The following LRMDA variants were observed in gnomAD, a reference collection of about 807,000 sequenced individuals.
LRMDA encodes leucine-rich melanocyte differentiation-associated protein.
LRMDA carries 18 observed loss-of-function variants against 29.8 expected under a neutral mutation model. That is an observed-to-expected ratio of 0.60 (90% CI 0.42 to 0.90). LRMDA has a LOEUF of 0.90. LRMDA is among the 40% of genes least tolerant of loss of function. LRMDA has a pLI of 0.00. For missense variants in LRMDA, 273 were observed against 273.9 expected (o/e 1.00, Z 0.02); for synonymous variants, 125 against 109.4 (o/e 1.14, Z -0.89).
At chr10:76,312,344 A>G (rs916365954) in intron 5 of LRMDA, among the ~76,000 whole-genome samples, 11 of 152,146 alleles carry the variant, frequency 7.2e-5, no homozygotes, top group Non-Finnish European at 1.3e-4. Flanking sequence ...TTGCATTGGT[A>G]TCAATTTATT....
chr10:75,745,011 C>G (rs931153924), intron 2 of LRMDA, among the ~76,000 whole-genome samples: 2 of 152,236 alleles, frequency 1.3e-5, no homozygotes, highest in Non-Finnish European at 2.9e-5. Flanking sequence ...ACGTCCCCAA[C>G]TCTGCTCACA....
At chr10:76,384,729 G>A (rs1043868139) in intron 6 of LRMDA, among the ~76,000 whole-genome samples, 7 of 152,174 alleles carry the variant, frequency 4.6e-5, no homozygotes, top group African/African-American at 1.4e-4. Flanking sequence ...AAAATTTAGA[G>A]CTTTGTACTG....
rs1028774155 is a variant in LRMDA, at chr10:75,913,391, G to A, written c.132-122617G>A. ...AGAATCGCTTGAACCAAGAGGCAGAGGTTGCAGTGAGCCAAGATCGCGCCA... is the reference window on the plus strand; with the variant it reads ...AGAATCGCTTGAACCAAGAGGCAGAAGTTGCAGTGAGCCAAGATCGCGCCA... On this transcript the variant is annotated intron_variant, in intron 2 of 6. Transcript: ENST00000611255. Among the ~76,000 whole-genome samples, 3 of 152,172 alleles carry A rather than the reference G, an allele frequency of 2.0e-5. No individual in the cohort carries two copies. In the East Asian group the frequency reaches 5.8e-4, roughly 29 times the overall value.
intron 2 of LRMDA, among the ~76,000 whole-genome samples, chr10:75,889,831 T>C (rs1203914696): frequency 6.6e-6 from 1 of 152,184 alleles, no homozygotes; most frequent in Non-Finnish European, 1.5e-5. Context: ...TATGATATGG[T>C]TATGTTTAAT....
intron 6 of LRMDA, among the ~76,000 whole-genome samples, chr10:76,369,086 A>C (rs181460268): frequency 3.9e-5 from 6 of 152,192 alleles, no homozygotes; most frequent in African/African-American, 1.4e-4. Context: ...TGGAGCATTT[A>C]GGCCATTTAC....
intron 5 of LRMDA, among the ~76,000 whole-genome samples, chr10:76,272,891 C>T (rs1376429891): frequency 6.6e-6 from 1 of 152,140 alleles, no homozygotes; most frequent in Non-Finnish European, 1.5e-5. Context: ...TACGAGAACT[C>T]ACTCACTATC....
At chr10:75,608,129 T>TATATATATATATATACACAC (rs11271217) in intron 2 of LRMDA, among the ~76,000 whole-genome samples, 16 of 89,548 alleles carry the variant, frequency 1.8e-4, no homozygotes, top group South Asian at 4.0e-4. Context: ...TATATATATA[T>TATATATATATATATACACAC]ACACACACAT....
At chr10:76,147,526 T>G (rs1433764687) in intron 5 of LRMDA, among the ~76,000 whole-genome samples, 1 of 152,240 alleles carries the variant, frequency 6.6e-6, no homozygotes, top group Non-Finnish European at 1.5e-5. Flanking sequence ...GCCTTGGTTT[T>G]CAGCTCCATC....
Position 76,557,549 on chromosome 10 carries a change from C to G in LRMDA, c.*261C>G. ...CCACCAGGGTGACAGACAGCGGTGG[C>G]AAAGCAACAGGGCTGACAGCATGAA... On this transcript the variant is annotated 3_prime_UTR_variant, in exon 7 of 7. Transcript: ENST00000611255. The G allele has an allele frequency of 3.8e-6, 2 of 529,378 alleles. No homozygotes were observed. The highest frequency in any genetic ancestry group is 6.8e-6 in the Non-Finnish European group (2 of 295,836). The allele number at this position is 529,378 out of a possible 1,614,324, so 32.8% of individuals were successfully genotyped here.
chr10:76,081,030 C>T (rs1211233377), intron 5 of LRMDA, among the ~76,000 whole-genome samples: 1 of 152,190 alleles, frequency 6.6e-6, no homozygotes, highest in Non-Finnish European at 1.5e-5. Flanking sequence ...TAAAGACTTC[C>T]TTATTGCAGG....
At chr10:76,365,067 T>TACAC (rs1300218051) in intron 6 of LRMDA, among the ~76,000 whole-genome samples, 68 of 39,862 alleles carry the variant, frequency 1.7e-3, no homozygotes, top group African/African-American at 5.6e-3. Context: ...CCATCGTATA[T>TACAC]ATATACACAC....
At chr10:75,594,525 C>T (rs145341871) in intron 2 of LRMDA, among the ~76,000 whole-genome samples, 11 of 152,314 alleles carry the variant, frequency 7.2e-5, no homozygotes, top group African/African-American at 2.6e-4. Flanking sequence ...ACAAAATACA[C>T]ATAAGGCATC....
At chr10:75,759,896 G>A (rs1843074735) in intron 2 of LRMDA, among the ~76,000 whole-genome samples, 1 of 152,088 alleles carries the variant, frequency 6.6e-6, no homozygotes, top group Non-Finnish European at 1.5e-5. Flanking sequence ...AGTTGTAATT[G>A]CTTAATGCTT....
At chr10:76,383,954 C>G (rs1353490961) in intron 6 of LRMDA, among the ~76,000 whole-genome samples, 1 of 151,694 alleles carries the variant, frequency 6.6e-6, no homozygotes, top group South Asian at 2.1e-4. Context: ...TTACTGATAC[C>G]TGCCATTTTT....
rs115172092 is a variant in LRMDA at position 76,180,904 on chromosome 10, T to G, written c.516+122121T>G. Among the ~76,000 whole-genome samples the G allele has an allele frequency of 5.8e-3, 888 of 152,236 alleles. 10 individuals are homozygous for G. Among genetic ancestry groups the G allele is most frequent in the African/African-American group, 0.02 (840 of 41,538 alleles). On this transcript the variant is annotated intron_variant, in intron 5 of 6. Transcript: ENST00000611255. The stretch of plus-strand genomic sequence containing the variant: ...AGTCTCCTGCTTCTGAGTTTAGGGG[T>G]GGGAACAGGTGACAGGCAGTATATC...
chr10:75,493,182 T>G (rs778978567), intron 2 of LRMDA, among the ~76,000 whole-genome samples: 15 of 152,166 alleles, frequency 9.9e-5, no homozygotes, highest in Non-Finnish European at 2.2e-4. Context: ...GACAGCAATT[T>G]AAAACTTTAT....
chr10:75,741,584 G>C (rs768366249), intron 2 of LRMDA, among the ~76,000 whole-genome samples: 1 of 152,172 alleles, frequency 6.6e-6, no homozygotes, highest in Non-Finnish European at 1.5e-5. Flanking sequence ...AGGGAGCAAG[G>C]GTTATGGGGT....
chr10:76,206,289 C>T (rs1286338362), intron 5 of LRMDA, among the ~76,000 whole-genome samples: 4 of 152,196 alleles, frequency 2.6e-5, no homozygotes, highest in African/African-American at 9.6e-5. Flanking sequence ...AATGCTTTTT[C>T]TCTCTTTCCT....
intron 5 of LRMDA, among the ~76,000 whole-genome samples, chr10:76,150,913 G>T (rs1331748966): frequency 6.6e-6 from 1 of 152,152 alleles, no homozygotes; most frequent in Non-Finnish European, 1.5e-5. Context: ...TCGAGAGCTT[G>T]CGGCCAAGCA....
Sources: allele counts gnomAD v4.1 joint callset (sites outside exome capture counted in the v4.1 genomes callset), GRCh38; gene constraint gnomAD v4.1.1; transcripts MANE v1.5; gene names NCBI Gene and HGNC (gene_info 2026-07-23, HGNC 2026-07-21).